The following OTUD7A variants were observed in gnomAD, a reference collection of about 807,000 sequenced individuals.
The protein encoded by OTUD7A is OTU domain-containing protein 7A.
Under a neutral mutation model 65.7 loss-of-function variants are expected in OTUD7A, and 12 were observed. The ratio of observed to expected loss-of-function variants is 0.18; its 90% confidence interval spans 0.12 to 0.30. OTUD7A has a LOEUF of 0.30. OTUD7A is among the 10% of genes least tolerant of loss of function. The pLI is 1.00. For synonymous variants in OTUD7A, 641 were observed against 586.3 expected (o/e 1.09, Z -1.35); for missense variants, 1,148 against 1,304.8 (o/e 0.88, Z 1.85).
chr15:31,793,718 C>A (rs531661301), intron 1 of OTUD7A, among the ~76,000 whole-genome samples: 6 of 152,360 alleles, frequency 3.9e-5, no homozygotes, highest in African/African-American at 1.4e-4. Context: ...CCATTGCACA[C>A]TTCTCTGATT....
intron 1 of OTUD7A, among the ~76,000 whole-genome samples, chr15:31,771,270 G>A (rs1895227829): frequency 6.6e-6 from 1 of 152,102 alleles, no homozygotes; most frequent in Admixed American, 6.5e-5. Context: ...TCTTGGTCTG[G>A]GTACCGGTTT....
chr15:31,732,381 G>A (rs1397401967), intron 1 of OTUD7A, among the ~76,000 whole-genome samples: 1 of 152,216 alleles, frequency 6.6e-6, no homozygotes, highest in Admixed American at 6.5e-5. Flanking sequence ...GGGGAAGCTG[G>A]GGTTAAAAGG....
At chr15:31,770,252 C>T (rs1490716367) in intron 1 of OTUD7A, among the ~76,000 whole-genome samples, 3 of 152,122 alleles carry the variant, frequency 2.0e-5, no homozygotes, top group African/African-American at 7.2e-5. Flanking sequence ...ATCAAAACTA[C>T]AGACACCAAA....
intron 1 of OTUD7A, among the ~76,000 whole-genome samples, chr15:31,781,125 T>C (rs1895528143): frequency 6.6e-6 from 1 of 152,174 alleles, no homozygotes; most frequent in Non-Finnish European, 1.5e-5. Context: ...CTGTGACCTA[T>C]GCCCTTGCTT....
chr15:31,771,496 G>A (rs1221196716), intron 1 of OTUD7A, among the ~76,000 whole-genome samples: 1 of 152,034 alleles, frequency 6.6e-6, no homozygotes, highest in African/African-American at 2.4e-5. Context: ...CTTGCATCAC[G>A]TATGCAATTC....
chr15:31,710,659 G>A (rs1893419383), intron 1 of OTUD7A, among the ~76,000 whole-genome samples: 1 of 152,200 alleles, frequency 6.6e-6, no homozygotes, highest in Non-Finnish European at 1.5e-5. Flanking sequence ...ATGTCTGTTA[G>A]GTCCACTTGG....
intron 1 of OTUD7A, among the ~76,000 whole-genome samples, chr15:31,834,104 C>T (rs1482799338): frequency 1.3e-5 from 2 of 152,228 alleles, no homozygotes; most frequent in African/African-American, 2.4e-5. Flanking sequence ...TTGCTTTGGG[C>T]AGAGTCATAA....
intron 5 of OTUD7A, among the ~76,000 whole-genome samples, chr15:31,545,453 T>C (rs1313221758): frequency 6.6e-6 from 1 of 152,046 alleles, no homozygotes; most frequent in African/African-American, 2.4e-5. Flanking sequence ...CATCAAAGTG[T>C]ATCAGTCAGT....
intron 1 of OTUD7A, among the ~76,000 whole-genome samples, chr15:31,860,647 ATG>A (rs1567059812): frequency 2.3e-4 from 25 of 107,652 alleles, no homozygotes; most frequent in South Asian, 1.5e-3. Context: ...ATATATATGT[ATG>A]TATGTGTGTA....
rs542319891 is a variant in OTUD7A at position 31,852,004 on chromosome 15, G to A, written c.-100+18503C>T. 6.4e-4 allele frequency among the ~76,000 whole-genome samples: 97 copies of A among 152,216 alleles called. 1 individual carries two copies. Among genetic ancestry groups the A allele is most frequent in the African/African-American group, 2.0e-3 (82 of 41,546 alleles). Reference sequence around the variant, plus strand: ...CTCCCTAGTAGCTGAGATTACAGGCGCGCACCACCATGCCCAGCTAATTTT... The same window carrying A: ...CTCCCTAGTAGCTGAGATTACAGGCACGCACCACCATGCCCAGCTAATTTT... On this transcript the variant is annotated intron_variant, in intron 1 of 12. Coordinates refer to ENST00000307050, the MANE Select transcript of OTUD7A (RefSeq NM_001382637.1).
chr15:31,511,682 CATATATGTATATCTATATGTAACACACAT>C (rs1566893799), intron 8 of OTUD7A, among the ~76,000 whole-genome samples: 2,441 of 7,286 alleles, frequency 0.34, 629 homozygotes, highest in Middle Eastern at 0.56. Flanking sequence ...GTAACACACA[CATATATGTATATCTATATGTAACACACAT>C]ATATATGTAT....
chr15:31,596,045 G>T (rs907371559), intron 3 of OTUD7A, among the ~76,000 whole-genome samples: 1 of 152,060 alleles, frequency 6.6e-6, no homozygotes, highest in African/African-American at 2.4e-5. Flanking sequence ...GGCCCACCTA[G>T]ATAATCCAGG....
chr15:31,806,045 C>T (rs1281225517), intron 1 of OTUD7A, among the ~76,000 whole-genome samples: 1 of 152,188 alleles, frequency 6.6e-6, no homozygotes, highest in African/African-American at 2.4e-5. Flanking sequence ...TTAGGAATTA[C>T]ATTCCAACTA....
intron 3 of OTUD7A, among the ~76,000 whole-genome samples, chr15:31,611,355 A>T (rs181916546): frequency 3.3e-5 from 5 of 152,340 alleles, no homozygotes; most frequent in African/African-American, 1.2e-4. Flanking sequence ...AATACAAAAG[A>T]TAAATGAAAC....
At chr15:31,563,011 T>C (rs1888743521) in intron 4 of OTUD7A, among the ~76,000 whole-genome samples, 1 of 150,360 alleles carries the variant, frequency 6.7e-6, no homozygotes, top group Admixed American at 6.6e-5. Context: ...GGAATCGATA[T>C]GATTGCTCGC....
chr15:31,619,137 T>TCTGTTTTGGTACCAGTACCATG, intron 3 of OTUD7A, among the ~76,000 whole-genome samples: 1 of 152,224 alleles, frequency 6.6e-6, no homozygotes, highest in Non-Finnish European at 1.5e-5. Flanking sequence ...GATCTATATC[T>TCTGTTTTGGTACCAGTACCATG]CTGTTTTGGT....
chr15:31,774,887 T>C (rs1051278209), intron 1 of OTUD7A, among the ~76,000 whole-genome samples: 9 of 150,812 alleles, frequency 6.0e-5, no homozygotes, highest in Non-Finnish European at 1.2e-4. Context: ...TGTGACGTTG[T>C]CCTGGCCTTC....
At chr15:31,861,990 G>A (rs1387487011) in intron 1 of OTUD7A, among the ~76,000 whole-genome samples, 1 of 152,134 alleles carries the variant, frequency 6.6e-6, no homozygotes, top group African/African-American at 2.4e-5. Flanking sequence ...GCAGCTCTAG[G>A]CTCTGCAAGG....
At chr15:31,587,453 T>C (rs1317530994) in intron 3 of OTUD7A, among the ~76,000 whole-genome samples, 1 of 151,720 alleles carries the variant, frequency 6.6e-6, no homozygotes, top group South Asian at 2.1e-4. Flanking sequence ...CTGGCCAAGA[T>C]GGTGAAACCC....
Sources: allele counts gnomAD v4.1 joint callset (sites outside exome capture counted in the v4.1 genomes callset), GRCh38; gene constraint gnomAD v4.1.1; transcripts MANE v1.5; gene names NCBI Gene and HGNC (gene_info 2026-07-23, HGNC 2026-07-21).